Variants in TG observed in about 807,000 individuals in gnomAD.
TG encodes thyroid hormones.
In TG, 270 loss-of-function variants were observed where a neutral mutation model predicts 324.7. The ratio of observed to expected loss-of-function variants is 0.83; its 90% CI spans 0.75 to 0.92. The LOEUF (loss-of-function observed/expected upper bound fraction) is 0.92. Among genes scored for constraint, TG ranks in the 40% least tolerant of loss-of-function variants. The probability of loss-of-function intolerance (pLI) is 0.00; values close to 1 mark genes in which losing one functional copy is unlikely to be tolerated. For missense variants in TG, 3,591 were observed against 3,456.4 expected (o/e 1.04, Z -0.98); for synonymous variants, 1,401 against 1,327.0 (o/e 1.06, Z -1.21).
At chr8:133,063,474 C>T (rs1842668184) in intron 41 of TG, 1 of 151,428 alleles carries the variant, frequency 6.6e-6, no homozygotes, top group South Asian at 2.1e-4. Context: ...CATTTGCATG[C>T]TATTTTGGAG....
chr8:132,966,731 A>G (rs1360225747), intron 30 of TG, 34 bp downstream of exon 30: 2 of 1,613,096 alleles, frequency 1.2e-6, no homozygotes, highest in African/African-American at 2.7e-5. Flanking sequence ...TTCTTCTTCC[A>G]GACACTGTAG....
intron 41 of TG, chr8:133,074,865 G>A: frequency 3.0e-6 from 3 of 985,534 alleles, no homozygotes; most frequent in Non-Finnish European, 3.6e-6. Context: ...TCACACACTG[G>A]GCATGACTCC....
At chr8:133,061,685 C>T (rs928651830) in intron 41 of TG, among the ~76,000 whole-genome samples, 1 of 152,208 alleles carries the variant, frequency 6.6e-6, no homozygotes, top group Non-Finnish European at 1.5e-5. Context: ...GGAAACTAAT[C>T]TCCCACCTAC....
At chr8:133,081,376 A>G (rs1296458939) in intron 41 of TG, among the ~76,000 whole-genome samples, 1 of 152,250 alleles carries the variant, frequency 6.6e-6, no homozygotes, top group Admixed American at 6.5e-5. Context: ...TCTGGGGAAG[A>G]CAATAAGCTA....
At chr8:132,984,091 T>G (rs576306134) in intron 35 of TG, among the ~76,000 whole-genome samples, 1 of 152,322 alleles carries the variant, frequency 6.6e-6, no homozygotes, top group South Asian at 2.1e-4. Flanking sequence ...CGTCCCCTTT[T>G]CTGCTTCCCT....
At chr8:133,016,887 A>G (rs867750573) in intron 37 of TG, among the ~76,000 whole-genome samples, 2 of 152,214 alleles carry the variant, frequency 1.3e-5, no homozygotes, top group Non-Finnish European at 2.9e-5. Flanking sequence ...AAACTGATGA[A>G]CGTCGCTGGC....
intron 41 of TG, chr8:133,038,769 G>T (rs974879918): frequency 6.7e-7 from 1 of 1,497,068 alleles, no homozygotes; most frequent in African/African-American, 1.4e-5. Context: ...AGTAGAGAAA[G>T]GGAAAAAAAG....
At chr8:133,057,293 G>C (rs1199688670) in intron 41 of TG, among the ~76,000 whole-genome samples, 1 of 152,148 alleles carries the variant, frequency 6.6e-6, no homozygotes, top group Non-Finnish European at 1.5e-5. Flanking sequence ...CCTGACCACA[G>C]CGGGACTTCC....
rs1040699709 is a variant in TG, at chr8:132,866,979, C to A, written c.-22C>A. The stretch of plus-strand genomic sequence containing the variant: ...GGGCAAGCAGTGGTTTCTCCTCCTT[C>A]CTCCCAGGAAGGGCCAGGAAAATGG... On this transcript the variant is annotated 5_prime_UTR_variant, in exon 1 of 48. Coordinates refer to ENST00000220616, the MANE Select transcript of TG (RefSeq NM_003235.5). 8 of 1,575,754 alleles carry A rather than the reference C, an allele frequency of 5.1e-6. No homozygotes were observed. The South Asian group carries it at 8.1e-5, about 16-fold the overall frequency.
rs114613744 is a variant in TG at position 133,133,498 on chromosome 8, C to T, written c.8026C>T (p.Arg2676Trp). The T allele has an allele frequency of 5.5e-4, 891 of 1,614,192 alleles. 6 individuals are homozygous for T. The highest frequency in any genetic ancestry group is 3.0e-3 in the South Asian group (274 of 91,080). ...TCCCAACTACCCTTATGAGTTCTCACGGAAAGTACCCACATTTGCAACCCC... is the reference window on the plus strand; with the variant it reads ...TCCCAACTACCCTTATGAGTTCTCATGGAAAGTACCCACATTTGCAACCCC... ...GNPNYPYEFS[R>W]KVPTFATPWP... The change falls in exon 47 of 48, where the codon CGG (arginine) becomes TGG (tryptophan). Residue 2676 changes from arginine (R) to tryptophan (W), a missense_variant. Physicochemically the swap from Arg to Trp is moderately radical, Grantham distance 101. Coordinates refer to ENST00000220616, the MANE Select transcript of TG (RefSeq NM_003235.5).
intron 22 of TG, among the ~76,000 whole-genome samples, chr8:132,927,403 A>G (rs138166693): frequency 6.5e-4 from 99 of 152,332 alleles, no homozygotes; most frequent in Non-Finnish European, 1.0e-3. Flanking sequence ...AAGTAGCCAC[A>G]ATAAACTATG....
intron 35 of TG, chr8:133,001,636 AG>A (rs1833508643): frequency 4.0e-6 from 2 of 496,418 alleles, no homozygotes; most frequent in African/African-American, 4.2e-5. Context: ...GTGAGAAAGC[AG>A]GATGTCTCAA....
chr8:133,127,913 C>T (rs1000651114), intron 45 of TG, among the ~76,000 whole-genome samples: 2 of 152,132 alleles, frequency 1.3e-5, no homozygotes, highest in Non-Finnish European at 2.9e-5. Flanking sequence ...CATGCCCTTC[C>T]TCGCCTCATC....
intron 11 of TG, among the ~76,000 whole-genome samples, chr8:132,896,346 C>T (rs1323033074): frequency 6.6e-6 from 1 of 152,162 alleles, no homozygotes; most frequent in East Asian, 1.9e-4. Flanking sequence ...CTGGTGTCCC[C>T]AGATGGGCTC....
At position 133,094,242 on chromosome 8, in the gene TG, C is replaced by CT. The variant is rs765931953; in HGVS notation, c.7240-784dup. Reference sequence around the variant, plus strand: ...TTAGAAAGAAGAAACCTGTCGTTTTCTTTTTTTTTTTTTTTTTTGATGGAG... The same window carrying CT: ...TTAGAAAGAAGAAACCTGTCGTTTTCTTTTTTTTTTTTTTTTTTTGATGGAG... On this transcript the variant is annotated intron_variant, in intron 41 of 47. Coordinates refer to ENST00000220616, the MANE Select transcript of TG (RefSeq NM_003235.5). Among the ~76,000 whole-genome samples the CT allele has an allele frequency of 2.3e-3, 293 of 126,564 alleles. 4 individuals are homozygous for CT. Among genetic ancestry groups the CT allele is most frequent in the East Asian group, 0.012 (51 of 4,226 alleles). 83.0% of individuals were successfully genotyped at this position (126,564 alleles called of 152,430 possible).
rs1815521648 is a variant in TG, at chr8:132,887,042, A to T, written c.1670A>T (p.Asn557Ile). Residue 557 changes from asparagine to isoleucine, a missense_variant, in exon 9 of 48, where the codon AAC (asparagine) becomes ATC (isoleucine). Physicochemically the swap from Asn to Ile is moderately radical, Grantham distance 149. Coordinates refer to ENST00000220616, the MANE Select transcript of TG (RefSeq NM_003235.5). Reference sequence around the variant, plus strand: ...GTGGGCAGCTTTGGCTTTGAAATTAACCTACAAGAGAACCAAAATGCCCTC... The same window carrying T: ...GTGGGCAGCTTTGGCTTTGAAATTATCCTACAAGAGAACCAAAATGCCCTC... ...PTVGSFGFEI[N>I]LQENQNALKF... 1.2e-6 allele frequency: 2 copies of T among 1,614,078 alleles called. No individual in the cohort carries two copies. The highest frequency in any genetic ancestry group is 1.7e-5 in the Admixed American group (1 of 60,002).
At chr8:133,050,968 G>A in intron 41 of TG, 1 of 1,014,276 alleles carries the variant, frequency 9.9e-7, no homozygotes, top group South Asian at 1.3e-5. Flanking sequence ...TATTCACAAG[G>A]AGCTTAAAGG....
At chr8:132,917,045 C>CCCTA (rs1820424105) in intron 20 of TG, among the ~76,000 whole-genome samples, 1 of 116,896 alleles carries the variant, frequency 8.6e-6, no homozygotes, top group Non-Finnish European at 1.8e-5. Flanking sequence ...CTCCCTCCCT[C>CCCTA]CTTCCTTCCT....
intron 44 of TG, among the ~76,000 whole-genome samples, chr8:133,114,600 C>T (rs1182036415): frequency 1.3e-5 from 2 of 152,234 alleles, no homozygotes; most frequent in Admixed American, 6.5e-5. Flanking sequence ...CTCAGGTCAC[C>T]TTTGAGTCCC....
Sources: gnomAD v4.1 joint callset for allele counts (sites outside exome capture counted in the v4.1 genomes callset) on GRCh38, gnomAD v4.1.1 for gene constraint, MANE v1.5 for transcripts, NCBI Gene and HGNC (gene_info 2026-07-23, HGNC 2026-07-21) for gene names.